Variants in WAPL observed in about 807,000 individuals in gnomAD.
WAPL encodes the protein WAPL cohesin release factor, also known as wings apart-like protein homolog.
WAPL carries 5 observed loss-of-function variants against 121.0 expected under a neutral mutation model. That is an observed-to-expected ratio of 0.04 (90% CI 0.02 to 0.09). WAPL has a LOEUF of 0.09. WAPL is among the 10% of genes least tolerant of loss of function. The pLI is 1.00. For synonymous variants in WAPL, 480 were observed against 481.5 expected, an observed-to-expected ratio of 1.00 and a Z score of 0.04; for missense variants, 999 against 1,410.8, an observed-to-expected ratio of 0.71 and a Z score of 4.68.
chr10:86,489,234 G>A (rs1841988478), intron 4 of WAPL, among the ~76,000 whole-genome samples: 1 of 152,210 alleles, frequency 6.6e-6, no homozygotes, highest in Non-Finnish European at 1.5e-5. Context: ...ACTAACATGT[G>A]ATTCTGGATT....
At chr10:86,503,188 G>A (rs996527755) in intron 2 of WAPL, among the ~76,000 whole-genome samples, 20 of 152,102 alleles carry the variant, frequency 1.3e-4, no homozygotes, top group Admixed American at 5.2e-4. Context: ...CTAATTCACT[G>A]GCTGGGCGCG....
At chr10:86,459,105 A>C (rs1465760083) in intron 11 of WAPL, 40 bp from the exon 12 acceptor site, 2 of 1,519,308 alleles carry the variant, frequency 1.3e-6, no homozygotes. Flanking sequence ...GCAATCCAAA[A>C]CTTTCATTCA....
chr10:86,453,526 C>T, intron 13 of WAPL, 130 bp downstream of exon 13: 2 of 1,245,296 alleles, frequency 1.6e-6, no homozygotes, highest in Non-Finnish European at 2.2e-6. Context: ...TTTAAACCTA[C>T]ACATGAGTAA....
intron 7 of WAPL, among the ~76,000 whole-genome samples, chr10:86,471,919 G>A (rs1053891264): frequency 6.6e-6 from 1 of 151,196 alleles, no homozygotes; most frequent in Non-Finnish European, 1.5e-5. Flanking sequence ...ATAGGTATGA[G>A]CCACCACACA....
intron 4 of WAPL, among the ~76,000 whole-genome samples, chr10:86,490,250 A>G (rs900469445): frequency 6.6e-6 from 1 of 151,960 alleles, no homozygotes; most frequent in East Asian, 1.9e-4. Flanking sequence ...AGCTTTACTC[A>G]TATTACATTT....
intron 2 of WAPL, among the ~76,000 whole-genome samples, chr10:86,513,697 A>G (rs1842507878): frequency 2.0e-5 from 3 of 152,224 alleles, no homozygotes; most frequent in Non-Finnish European, 2.9e-5. Flanking sequence ...ATACTCCCCT[A>G]TAGAGAAAGA....
Position 86,437,479 on chromosome 10 carries a change from T to C in WAPL, c.*64A>G. ...TATCTTCAAGGACTTCTTTCATGAC[T>C]TGACTTTTCTTTGTCTAAGGATAGC... On this transcript the variant is annotated 3_prime_UTR_variant, in exon 19 of 19. Coordinates refer to ENST00000298767, the MANE Select transcript of WAPL (RefSeq NM_015045.5). 6.5e-7 allele frequency: 1 copy of C among 1,546,504 alleles called. No homozygotes were observed. Among genetic ancestry groups the C allele is most frequent in the Non-Finnish European group, 8.8e-7 (1 of 1,133,330 alleles).
In WAPL at chr10:86,499,772, G is replaced by A. The variant is rs766280052; in HGVS notation, c.1471C>T (p.Pro491Ser). 6.2e-7 allele frequency: 1 copy of A among 1,604,512 alleles called. No homozygotes were observed. Among genetic ancestry groups the A allele is most frequent in the East Asian group, 2.2e-5 (1 of 44,854 alleles). ...TGGGAATTATCATTGCTTTCTGGGG[G>A]AGGCTGCAAGGAGGGTGATGGAGCT... ...KTAPSPSLQP[P>S]PESNDNSQDS... is the part of the protein sequence containing the mutation. The change falls in exon 3 of 19, where the codon CCC (proline) becomes TCC (serine). Residue 491 changes from proline (P) to serine (S), a missense_variant. Around this residue, in one of 7 missense-constraint regions of WAPL, gnomAD observed 531 missense variants for 563.1 expected, o/e 0.94. Transcript: ENST00000298767.
In WAPL at chr10:86,511,992, G is replaced by A. The variant is rs183282594; in HGVS notation, c.499+5579C>T. Among the ~76,000 whole-genome samples the A allele has an allele frequency of 1.7e-3, 266 of 152,102 alleles. 1 individual carries two copies. Among genetic ancestry groups the A allele is most frequent in the African/African-American group, 5.5e-3 (230 of 41,502 alleles). On this transcript the variant is annotated intron_variant, in intron 2 of 18. Coordinates refer to ENST00000298767, the MANE Select transcript of WAPL (RefSeq NM_015045.5). ...TTCTCTTAAAAAGAAGCTGATTTTC[G>A]GTATGATTTAAATATATTCTACACA...
At chr10:86,518,878 A>G (rs1842612523) in intron 1 of WAPL, among the ~76,000 whole-genome samples, 1 of 152,172 alleles carries the variant, frequency 6.6e-6, no homozygotes, top group Non-Finnish European at 1.5e-5. Context: ...TTCTTGGTGT[A>G]ATGTAATTTG....
chr10:86,445,600 C>G (rs1849596438), intron 16 of WAPL, among the ~76,000 whole-genome samples: 1 of 151,998 alleles, frequency 6.6e-6, no homozygotes, highest in Admixed American at 6.6e-5. Flanking sequence ...TCATAGCTCA[C>G]TGTAACTTTG....
chr10:86,499,749 G>T lies in WAPL; in HGVS notation c.1494C>A (p.Ser498=). The T allele has an allele frequency of 6.3e-7, 1 of 1,595,358 alleles. No individual in the cohort carries two copies. The highest frequency in any genetic ancestry group is 8.5e-7 in the Non-Finnish European group (1 of 1,174,408). ...LQPPPESNDN[S]QDSQSGTNNA... ...TGTTAGTACCAGACTGACTGTCCTGGGAATTATCATTGCTTTCTGGGGGAG... is the reference window on the plus strand; with the variant it reads ...TGTTAGTACCAGACTGACTGTCCTGTGAATTATCATTGCTTTCTGGGGGAG... The change falls in exon 3 of 19, where the codon TCC becomes TCA. Residue 498 remains serine (S), a synonymous_variant. Coordinates refer to ENST00000298767, the MANE Select transcript of WAPL (RefSeq NM_015045.5).
intron 4 of WAPL, among the ~76,000 whole-genome samples, chr10:86,495,630 G>T (rs1842134689): frequency 6.6e-6 from 1 of 152,082 alleles, no homozygotes; most frequent in South Asian, 2.1e-4. Flanking sequence ...CAATTTATTG[G>T]ATATGACACC....
At chr10:86,476,036 G>C (rs1169513395) in intron 4 of WAPL, among the ~76,000 whole-genome samples, 1 of 152,202 alleles carries the variant, frequency 6.6e-6, no homozygotes, top group Non-Finnish European at 1.5e-5. Context: ...TAAAATTAAA[G>C]AAATTAAAGA....
chr10:86,437,940 A>G lies in WAPL; in HGVS notation c.3487T>C (p.Leu1163=). ...CTTACAGTGAGATTCATAAAACTCAAAAATTTTTTGAGCATCTCTGTCATT... is the reference window on the plus strand; with the variant it reads ...CTTACAGTGAGATTCATAAAACTCAGAAATTTTTTGAGCATCTCTGTCATT... The part of the protein sequence containing the change: ...SIMTEMLKKF[L]SFMNLTCAVG... The change falls in exon 18 of 19, where the codon TTG becomes CTG. Residue 1163 remains leucine, a synonymous_variant. Coordinates refer to ENST00000298767, the MANE Select transcript of WAPL (RefSeq NM_015045.5). 6.2e-7 allele frequency: 1 copy of G among 1,613,634 alleles called. No individual in the cohort carries two copies.
At chr10:86,486,590 A>C (rs1021248207) in intron 4 of WAPL, among the ~76,000 whole-genome samples, 2 of 152,178 alleles carry the variant, frequency 1.3e-5, no homozygotes, top group Admixed American at 1.3e-4. Context: ...TTAAGTCCAG[A>C]ATGTTCCTTA....
rs768803633 is a variant in WAPL at position 86,469,657 on chromosome 10, ATTC to A, written c.2142+1332_2142+1334del. 4.6e-5 allele frequency among the ~76,000 whole-genome samples: 7 copies of A among 152,208 alleles called. No individual in the cohort carries two copies. In the East Asian group the frequency reaches 1.3e-3, roughly 29 times the overall value. ...TTTGGGATATTCCAACACTTGAGAT[ATTC>A]TGTACTTAAACCTATTTCAATATAC... is the stretch of plus-strand genomic sequence containing the variant. On this transcript the variant is annotated intron_variant, in intron 8 of 18. Transcript: ENST00000298767.
chr10:86,464,743 T>C (rs6586014), intron 9 of WAPL, among the ~76,000 whole-genome samples: 146,469 of 152,314 alleles, frequency 0.96, 70,569 homozygotes, highest in East Asian at 1. Context: ...GGCTGATGCA[T>C]GAGAATCATT....
chr10:86,456,993 C>G (rs1271886989), intron 12 of WAPL, among the ~76,000 whole-genome samples: 2 of 152,088 alleles, frequency 1.3e-5, no homozygotes, highest in Non-Finnish European at 2.9e-5. Flanking sequence ...AAAAGAGCAC[C>G]TGTCATATCA....
Sources: gnomAD v4.1 joint callset for allele counts (sites outside exome capture counted in the v4.1 genomes callset) on GRCh38, gnomAD v4.1.1 for gene constraint, gnomAD v4.1.1 regional missense constraint, MANE v1.5 for transcripts, NCBI Gene and HGNC (gene_info 2026-07-23, HGNC 2026-07-21) for gene names.